The following ZNF804A variants were observed in gnomAD, a reference collection of about 807,000 sequenced individuals.
The protein encoded by ZNF804A is zinc finger protein 804A.
Under a neutral mutation model 16.5 loss-of-function variants are expected in ZNF804A, and 2 were observed. That is an observed-to-expected ratio of 0.12 (90% CI 0.05 to 0.38). The LOEUF is 0.38. Ranked by LOEUF, ZNF804A falls within the 10% of genes least tolerant of loss-of-function variation. The pLI, the probability that ZNF804A is intolerant of heterozygous loss-of-function variation, is 0.99. For synonymous variants in ZNF804A, 534 were observed against 489.6 expected (o/e 1.09, Z -1.20); for missense variants, 1,473 against 1,390.7 (o/e 1.06, Z -0.94).
At chr2:184,934,790 C>T (rs905287308) in intron 3 of ZNF804A, among the ~76,000 whole-genome samples, 14 of 152,104 alleles carry the variant, frequency 9.2e-5, no homozygotes, top group African/African-American at 3.1e-4. Flanking sequence ...CAGTATAAAG[C>T]ACATATTTTA....
intron 1 of ZNF804A, among the ~76,000 whole-genome samples, chr2:184,628,779 A>G (rs1691552195): frequency 6.6e-6 from 1 of 152,122 alleles, no homozygotes; most frequent in Non-Finnish European, 1.5e-5. Context: ...TAGAAATAGA[A>G]TTGCCAGGTT....
intron 1 of ZNF804A, among the ~76,000 whole-genome samples, chr2:184,856,473 GCTA>G (rs1695689125): frequency 6.6e-6 from 1 of 152,040 alleles, no homozygotes; most frequent in African/African-American, 2.4e-5. Flanking sequence ...TTCTGGGGTT[GCTA>G]CTGTGTTGCT....
chr2:184,927,027 A>G (rs1190507051), intron 2 of ZNF804A, among the ~76,000 whole-genome samples: 1 of 152,142 alleles, frequency 6.6e-6, no homozygotes, highest in African/African-American at 2.4e-5. Context: ...GGTTCCTTTG[A>G]TGAGATCATG....
At chr2:184,761,015 T>C (rs1694030425) in intron 1 of ZNF804A, among the ~76,000 whole-genome samples, 1 of 152,128 alleles carries the variant, frequency 6.6e-6, no homozygotes, top group Admixed American at 6.6e-5. Flanking sequence ...TAAAACTACA[T>C]TTTTATTTGT....
At chr2:184,693,282 A>T (rs949897214) in intron 1 of ZNF804A, among the ~76,000 whole-genome samples, 11 of 152,198 alleles carry the variant, frequency 7.2e-5, no homozygotes, top group African/African-American at 2.4e-4. Flanking sequence ...TATAGAATTT[A>T]TGAGTTGGAA....
chr2:184,698,295 T>G (rs969132643), intron 1 of ZNF804A, among the ~76,000 whole-genome samples: 2 of 152,096 alleles, frequency 1.3e-5, no homozygotes, highest in Non-Finnish European at 2.9e-5. Flanking sequence ...TTAAGTTACA[T>G]TTTAATCCTC....
intron 2 of ZNF804A, among the ~76,000 whole-genome samples, chr2:184,877,184 A>G (rs775314728): frequency 6.6e-6 from 1 of 152,078 alleles, no homozygotes; most frequent in Non-Finnish European, 1.5e-5. Context: ...TTTATTTTTA[A>G]TGCACTTTTT....
At chr2:184,837,721 T>C (rs1452471287) in intron 1 of ZNF804A, among the ~76,000 whole-genome samples, 1 of 152,138 alleles carries the variant, frequency 6.6e-6, no homozygotes, top group African/African-American at 2.4e-5. Context: ...TATAGATGCT[T>C]AATTTTATTT....
intron 1 of ZNF804A, among the ~76,000 whole-genome samples, chr2:184,723,281 A>G (rs927590965): frequency 1.3e-5 from 2 of 151,910 alleles, no homozygotes; most frequent in African/African-American, 4.8e-5. Context: ...ACTGACTCAT[A>G]TCACATAATT....
intron 1 of ZNF804A, among the ~76,000 whole-genome samples, chr2:184,710,774 G>T (rs1693113107): frequency 6.6e-6 from 1 of 151,720 alleles, no homozygotes; most frequent in African/African-American, 2.4e-5. Context: ...TTGTCCTTCT[G>T]TGATAAGCCA....
At chr2:184,918,449 C>T (rs1354984966) in intron 2 of ZNF804A, among the ~76,000 whole-genome samples, 1 of 152,090 alleles carries the variant, frequency 6.6e-6, no homozygotes, top group Non-Finnish European at 1.5e-5. Context: ...CCCATGTTCA[C>T]CTCTTGATTC....
chr2:184,802,498 C>T (rs1694742840), intron 1 of ZNF804A, among the ~76,000 whole-genome samples: 1 of 152,190 alleles, frequency 6.6e-6, no homozygotes, highest in South Asian at 2.1e-4. Context: ...AACTCACATT[C>T]AAACACAACT....
chr2:184,866,348 C>T, intron 1 of ZNF804A, 21 bp from the exon 2 acceptor site: 2 of 1,611,600 alleles, frequency 1.2e-6, no homozygotes, highest in Non-Finnish European at 1.7e-6. Context: ...TTGTATCCTT[C>T]CTTGAAATTT....
chr2:184,889,533 TTAAAA>T (rs1306866242), intron 2 of ZNF804A, among the ~76,000 whole-genome samples: 1 of 151,882 alleles, frequency 6.6e-6, no homozygotes, highest in African/African-American at 2.4e-5. Context: ...ATCCCAGAAC[TTAAAA>T]TAAAAAATAA....
chr2:184,603,705 G>A (rs542378552), intron 1 of ZNF804A, among the ~76,000 whole-genome samples: 1 of 152,216 alleles, frequency 6.6e-6, no homozygotes, highest in African/African-American at 2.4e-5. Context: ...GTGGATTAGG[G>A]TGATATCCTA....
intron 1 of ZNF804A, among the ~76,000 whole-genome samples, chr2:184,833,654 C>G (rs1481112729): frequency 6.6e-6 from 1 of 151,948 alleles, no homozygotes; most frequent in Non-Finnish European, 1.5e-5. Flanking sequence ...TTTCAACATA[C>G]AGTCTTTATT....
At chr2:184,932,614 T>A (rs560634623) in intron 2 of ZNF804A, among the ~76,000 whole-genome samples, 16 of 152,278 alleles carry the variant, frequency 1.1e-4, no homozygotes, top group South Asian at 8.3e-4. Context: ...GGGGACACAG[T>A]CACATTATAT....
chr2:184,797,305 C>T (rs762241236), intron 1 of ZNF804A, among the ~76,000 whole-genome samples: 46 of 152,226 alleles, frequency 3.0e-4, no homozygotes, highest in South Asian at 1.7e-3. Context: ...AGTTTAGGAG[C>T]TCCAGATTTA....
chr2:184,692,780 A>T (rs551434998), intron 1 of ZNF804A, among the ~76,000 whole-genome samples: 1 of 152,344 alleles, frequency 6.6e-6, no homozygotes, highest in African/African-American at 2.4e-5. Context: ...ATATCATCGT[A>T]ATAATAACTA....
Sources: gnomAD v4.1 joint callset for allele counts (sites outside exome capture counted in the v4.1 genomes callset) on GRCh38, gnomAD v4.1.1 for gene constraint, MANE v1.5 for transcripts, NCBI Gene and HGNC (gene_info 2026-07-23, HGNC 2026-07-21) for gene names.